DLG2: variants seen among roughly 807,000 people sequenced by gnomAD.
The protein encoded by DLG2 is discs large MAGUK scaffold protein 2.
In DLG2, 45 loss-of-function variants were observed where a neutral mutation model predicts 132.5. The ratio of observed to expected loss-of-function variants is 0.34; its 90% CI spans 0.27 to 0.44. DLG2 has a LOEUF of 0.44. Among genes scored for constraint, DLG2 ranks in the 20% least tolerant of loss-of-function variants. DLG2 has a pLI of 1.00. For synonymous variants in DLG2, 424 were observed against 419.6 expected (o/e 1.01, Z -0.13); for missense variants, 1,045 against 1,196.9 (o/e 0.87, Z 1.87).
At chr11:83,594,821 G>T (rs1274405905) in intron 19 of DLG2, among the ~76,000 whole-genome samples, 5 of 152,132 alleles carry the variant, frequency 3.3e-5, no homozygotes, top group African/African-American at 1.2e-4. Flanking sequence ...AAGCAAGTGG[G>T]CTCCCACTCG....
At chr11:85,619,548 G>A (rs1055211066) in intron 2 of DLG2, among the ~76,000 whole-genome samples, 25 of 152,006 alleles carry the variant, frequency 1.6e-4, no homozygotes, top group Non-Finnish European at 3.1e-4. Context: ...GAAAAAACAT[G>A]TGCAGCCATA....
chr11:85,396,746 T>A (rs886984096), intron 3 of DLG2, among the ~76,000 whole-genome samples: 1 of 151,978 alleles, frequency 6.6e-6, no homozygotes, highest in African/African-American at 2.4e-5. Context: ...TACAAAGAAA[T>A]GAACAAAGCC....
intron 18 of DLG2, chr11:83,786,314 T>G: frequency 5.5e-6 from 1 of 182,642 alleles, no homozygotes; most frequent in East Asian, 1.3e-4. Flanking sequence ...GAGGAGAGAA[T>G]ATGGTCTACT....
Position 84,515,126 on chromosome 11 carries a change from G to C in DLG2, c.519+19444C>G, listed in dbSNP as rs148739939. On this transcript the variant is annotated intron_variant, in intron 7 of 27. Transcript: ENST00000376104. ...ACTTAGCCACAAAGCAAGACAACGA[G>C]AGAGGAAGAAAGGAACCAAATACCT... Among the ~76,000 whole-genome samples, 490 of 151,758 alleles carry C rather than the reference G, an allele frequency of 3.2e-3. 4 individuals carry two copies. The highest frequency in any genetic ancestry group is 0.011 in the African/African-American group (437 of 41,462).
At chr11:84,916,378 A>AAAAAAAAAAAC (rs2092470051) in intron 6 of DLG2, among the ~76,000 whole-genome samples, 1 of 147,402 alleles carries the variant, frequency 6.8e-6, no homozygotes, top group Non-Finnish European at 1.5e-5. Context: ...AAAAAAAAAA[A>AAAAAAAAAAAC]AGAAGCAGTA....
intron 3 of DLG2, among the ~76,000 whole-genome samples, chr11:85,381,995 C>G (rs2085931733): frequency 6.6e-6 from 1 of 152,068 alleles, no homozygotes; most frequent in Non-Finnish European, 1.5e-5. Flanking sequence ...CAAAAAATCT[C>G]AGATGACTTT....
chr11:83,651,201 A>G (rs1380120974), intron 18 of DLG2, among the ~76,000 whole-genome samples: 1 of 152,172 alleles, frequency 6.6e-6, no homozygotes, highest in Non-Finnish European at 1.5e-5. Context: ...ATATCAATTG[A>G]ATTGAATAAG....
chr11:85,497,664 A>C (rs2093698463), intron 3 of DLG2, among the ~76,000 whole-genome samples: 1 of 152,188 alleles, frequency 6.6e-6, no homozygotes, highest in African/African-American at 2.4e-5. Flanking sequence ...AAAAAATGTT[A>C]AGGGTAACCA....
At chr11:85,446,414 T>C (rs1021518926) in intron 3 of DLG2, among the ~76,000 whole-genome samples, 3 of 152,178 alleles carry the variant, frequency 2.0e-5, no homozygotes, top group African/African-American at 7.2e-5. Flanking sequence ...TAAAATGTTG[T>C]TTATATTCTT....
At chr11:84,941,068 T>C (rs957247798) in intron 6 of DLG2, among the ~76,000 whole-genome samples, 5 of 152,232 alleles carry the variant, frequency 3.3e-5, no homozygotes, top group African/African-American at 1.2e-4. Flanking sequence ...GGTTTTCTAT[T>C]ATGTTCCATT....
At chr11:84,481,496 A>G (rs548657847) in intron 7 of DLG2, among the ~76,000 whole-genome samples, 40 of 152,308 alleles carry the variant, frequency 2.6e-4, no homozygotes, top group African/African-American at 9.6e-4. Context: ...AACACTGAAG[A>G]GAATTATATG....
chr11:84,455,413 T>C (rs2099062779), intron 7 of DLG2, among the ~76,000 whole-genome samples: 1 of 151,368 alleles, frequency 6.6e-6, no homozygotes, highest in African/African-American at 2.4e-5. Flanking sequence ...TAATTTTAAT[T>C]TCCAAAATTG....
intron 6 of DLG2, among the ~76,000 whole-genome samples, chr11:84,671,305 G>T (rs1193802750): frequency 1.3e-5 from 2 of 151,942 alleles, no homozygotes; most frequent in Non-Finnish European, 2.9e-5. Context: ...GTCTCACTGT[G>T]TTGCCTAAAC....
At chr11:85,395,776 G>A (rs2087289371) in intron 3 of DLG2, among the ~76,000 whole-genome samples, 1 of 152,222 alleles carries the variant, frequency 6.6e-6, no homozygotes, top group Non-Finnish European at 1.5e-5. Context: ...CAAACTGGGT[G>A]GAGCCCACCA....
intron 6 of DLG2, among the ~76,000 whole-genome samples, chr11:85,090,538 T>C (rs1285596134): frequency 6.6e-6 from 1 of 152,228 alleles, no homozygotes; most frequent in Non-Finnish European, 1.5e-5. Flanking sequence ...ACACTAACCA[T>C]GACAAATACT....
chr11:83,654,530 G>A (rs1048749039), intron 18 of DLG2, among the ~76,000 whole-genome samples: 3 of 152,036 alleles, frequency 2.0e-5, no homozygotes, highest in Non-Finnish European at 4.4e-5. Flanking sequence ...GAGTCCTCAG[G>A]TCCAAAAGAA....
intron 6 of DLG2, among the ~76,000 whole-genome samples, chr11:85,008,837 C>T (rs912524338): frequency 6.6e-6 from 1 of 151,816 alleles, no homozygotes; most frequent in East Asian, 1.9e-4. Flanking sequence ...ATTTCATATA[C>T]TGATTGATGC....
At chr11:85,474,105 G>C (rs1466274869) in intron 3 of DLG2, among the ~76,000 whole-genome samples, 1 of 151,866 alleles carries the variant, frequency 6.6e-6, no homozygotes, top group East Asian at 1.9e-4. Context: ...AGAAATACTG[G>C]CAGTAAAAGT....
At chr11:83,728,693 G>A (rs1011508794) in intron 18 of DLG2, among the ~76,000 whole-genome samples, 13 of 152,318 alleles carry the variant, frequency 8.5e-5, no homozygotes, top group Non-Finnish European at 1.3e-4. Context: ...AAGCAGTTCT[G>A]GGGCAAGGAG....
Sources: gnomAD v4.1 joint callset for allele counts (sites outside exome capture counted in the v4.1 genomes callset) on GRCh38, gnomAD v4.1.1 for gene constraint, MANE v1.5 for transcripts, NCBI Gene and HGNC (gene_info 2026-07-23, HGNC 2026-07-21) for gene names.